DOT1L: variants seen among roughly 807,000 people sequenced by gnomAD.
DOT1L encodes the protein histone-lysine N-methyltransferase, H3 lysine-79 specific.
A neutral mutation model predicts 153.3 loss-of-function variants in DOT1L; 33 were observed. The observed-to-expected ratio is 0.22, with a 90% CI of 0.16 to 0.29. The LOEUF (loss-of-function observed/expected upper bound fraction) is 0.29. DOT1L is among the 10% of genes least tolerant of loss of function. DOT1L has a pLI of 1.00. For missense variants in DOT1L, 1,847 were observed against 2,119.9 expected (o/e 0.87, Z 2.53); for synonymous variants, 1,135 against 965.1 (o/e 1.18, Z -3.26).
chr19:2,165,005 T>C (rs550997677), intron 1 of DOT1L, among the ~76,000 whole-genome samples: 6 of 152,286 alleles, frequency 3.9e-5, no homozygotes, highest in African/African-American at 1.4e-4. Context: ...TGGTGACCGT[T>C]GGAAAATGAC....
rs377519056 is a variant in DOT1L, at chr19:2,171,424, G to A, written c.81+7159G>A. Among the ~76,000 whole-genome samples, 5 of 152,302 alleles carry A rather than the reference G, an allele frequency of 3.3e-5. No homozygotes were observed. In the East Asian group the frequency reaches 5.8e-4, roughly 18 times the overall value. On this transcript the variant is annotated intron_variant, in intron 1 of 27. Transcript: ENST00000398665. Reference sequence around the variant, plus strand: ...GAAGGTTCAAACAGCAGTTCTCAGGGGTGGAGGTGGCTCTGCCCCCAGGGG... The same window carrying A: ...GAAGGTTCAAACAGCAGTTCTCAGGAGTGGAGGTGGCTCTGCCCCCAGGGG...
At chr19:2,211,514 T>C (rs2023712135) in intron 15 of DOT1L, among the ~76,000 whole-genome samples, 1 of 152,186 alleles carries the variant, frequency 6.6e-6, no homozygotes, top group Admixed American at 6.5e-5. Flanking sequence ...CTCAGGGCCT[T>C]GCAGTGCCCA....
chr19:2,166,236 A>G (rs1399419164), intron 1 of DOT1L, among the ~76,000 whole-genome samples: 1 of 150,664 alleles, frequency 6.6e-6, no homozygotes, highest in Non-Finnish European at 1.5e-5. Context: ...AGGTGGGATT[A>G]CAGGCATGCG....
intron 1 of DOT1L, among the ~76,000 whole-genome samples, chr19:2,166,863 C>T (rs1739553723): frequency 6.6e-6 from 1 of 152,196 alleles, no homozygotes; most frequent in South Asian, 2.1e-4. Context: ...CCCTGCGGCG[C>T]CCCCATCCTC....
At chr19:2,228,475 C>T (rs1468277382) in intron 27 of DOT1L, 7 of 1,204,454 alleles carry the variant, frequency 5.8e-6, no homozygotes, top group East Asian at 5.6e-5. Flanking sequence ...GCAGAAGTTC[C>T]GGGGGTCCTG....
rs557413878 is a variant in DOT1L, at chr19:2,187,693, C to T, written c.200+1764C>T. Among the ~76,000 whole-genome samples, 5 of 152,204 alleles carry T rather than the reference C, an allele frequency of 3.3e-5. No individual in the cohort carries two copies. In the East Asian group the frequency reaches 5.8e-4, roughly 18 times the overall value. On this transcript the variant is annotated intron_variant, in intron 3 of 27. Coordinates refer to ENST00000398665, the MANE Select transcript of DOT1L (RefSeq NM_032482.3). ...ATCCCAGCACTTTGGGAGGCCGAGGCGGATGGATCACGAGGTCAGGAGATC... is the reference window on the plus strand; with the variant it reads ...ATCCCAGCACTTTGGGAGGCCGAGGTGGATGGATCACGAGGTCAGGAGATC...
intron 1 of DOT1L, among the ~76,000 whole-genome samples, chr19:2,176,337 C>T (rs1187607079): frequency 6.6e-6 from 1 of 152,196 alleles, no homozygotes; most frequent in Non-Finnish European, 1.5e-5. Flanking sequence ...CACTGTCTCC[C>T]TAGCTGTGAA....
chr19:2,201,264 C>T (rs1304746228), intron 8 of DOT1L, among the ~76,000 whole-genome samples: 2 of 150,978 alleles, frequency 1.3e-5, no homozygotes, highest in Non-Finnish European at 3.0e-5. Context: ...TCGTCCTCCC[C>T]GCATTCCTCG....
At chr19:2,228,712 C>T (rs922577400) in intron 27 of DOT1L, 49 of 985,318 alleles carry the variant, frequency 5.0e-5, no homozygotes, top group Middle Eastern at 5.2e-4. Context: ...GGAGCTCTAG[C>T]TCCTAGAGCA....
At chr19:2,178,220 C>T (rs1312134132) in intron 1 of DOT1L, among the ~76,000 whole-genome samples, 4 of 147,842 alleles carry the variant, frequency 2.7e-5, no homozygotes, top group Non-Finnish European at 4.4e-5. Context: ...GTGTGAACCA[C>T]CATGCCTGGC....
At chr19:2,212,577 A>T (rs1188799076) in intron 16 of DOT1L, 2 of 152,246 alleles carry the variant, frequency 1.3e-5, no homozygotes, top group Non-Finnish European at 2.9e-5. Context: ...GCTGATTAAG[A>T]ACAGACAAAG....
chr19:2,180,818 T>G, intron 2 of DOT1L, 62 bp downstream of exon 2: 1 of 1,594,886 alleles, frequency 6.3e-7, no homozygotes, highest in South Asian at 1.1e-5. Context: ...TGGACACCCG[T>G]GCCCTGCAGA....
At chr19:2,183,527 A>G (rs533908937) in intron 2 of DOT1L, among the ~76,000 whole-genome samples, 1 of 152,144 alleles carries the variant, frequency 6.6e-6, no homozygotes, top group South Asian at 2.1e-4. Context: ...ATTTCTCCAG[A>G]AAAGCTAGCT....
rs1461677949 is a variant in DOT1L, at chr19:2,208,485, A to T, written c.964-450A>T. Among the ~76,000 whole-genome samples the T allele has an allele frequency of 6.6e-6, 1 of 152,118 alleles. No homozygotes were observed. The highest frequency in any genetic ancestry group is 1.9e-4 in the East Asian group (1 of 5,188). On this transcript the variant is annotated intron_variant, in intron 11 of 27. Transcript: ENST00000398665. The surrounding 1 kb of genome is among the most constrained non-coding windows in gnomAD (Gnocchi z 4.4). ...CCCCGAGGGCCCTGGGACGAGAGGC[A>T]TGGTGAGCTGAGGCTGAGGCTCTGG...
Position 2,211,189 on chromosome 19 carries a change from C to T in DOT1L, c.1442C>T (p.Pro481Leu), listed in dbSNP as rs758461074. The change falls in exon 15 of 28, where the codon CCG becomes CTG. Residue 481 changes from proline (P) to leucine (L), a missense_variant. Pro to Leu is a moderately conservative substitution (Grantham distance 98). Transcript: ENST00000398665. ...SPNPLLVAPT[P>L]PALQKLLESF... is the part of the protein sequence containing the mutation. ...AACCCGCTGCTGGTGGCGCCCACCC[C>T]GCCCGCGCTGCAGAAGCTTCTAGGT... 18 of 1,610,888 alleles carry T rather than the reference C, an allele frequency of 1.1e-5. No homozygotes were observed. The highest frequency in any genetic ancestry group is 2.2e-5 in the East Asian group (1 of 44,862).
chr19:2,226,607 G>C lies in DOT1L; in HGVS notation c.4086G>C (p.Ser1362=). 2 of 1,597,206 alleles carry C rather than the reference G, an allele frequency of 1.3e-6. No homozygotes were observed. The highest frequency in any genetic ancestry group is 1.7e-6 in the Non-Finnish European group (2 of 1,176,002). The change falls in exon 27 of 28, where the codon TCG becomes TCC. Residue 1362 remains serine (S), a synonymous_variant. Transcript: ENST00000398665. The stretch of plus-strand genomic sequence containing the variant: ...CCTCGCAGCGCGGCAAGGAGGGCTC[G>C]GACGCCAACCCTTTCCTGAGCAAGA... ...SFPSQRGKEG[S]DANPFLSKRQ...
intron 1 of DOT1L, among the ~76,000 whole-genome samples, chr19:2,164,729 C>G (rs1468728308): frequency 6.6e-6 from 1 of 152,128 alleles, no homozygotes; most frequent in Admixed American, 6.6e-5. Context: ...TCGGGCACGG[C>G]GGGCCCGACC....
At chr19:2,212,704 A>G (rs1285991862) in intron 16 of DOT1L, 1 of 152,276 alleles carries the variant, frequency 6.6e-6, no homozygotes, top group African/African-American at 2.4e-5. Context: ...GGCATCAGCG[A>G]TCCAAGCAGG....
chr19:2,211,596 G>A (rs559035879), intron 15 of DOT1L, among the ~76,000 whole-genome samples, 155 bp from the exon 16 acceptor site: 8 of 152,250 alleles, frequency 5.3e-5, no homozygotes, highest in East Asian at 1.9e-4. Flanking sequence ...AGCTTGGGGC[G>A]TGTGGCATGG....
Sources: gnomAD v4.1 joint callset for allele counts (sites outside exome capture counted in the v4.1 genomes callset) on GRCh38, gnomAD v4.1.1 for gene constraint, Gnocchi (gnomAD v3.1) non-coding constraint, MANE v1.5 for transcripts, NCBI Gene and HGNC (gene_info 2026-07-23, HGNC 2026-07-21) for gene names.